Variants in GRM7 observed in about 807,000 individuals in gnomAD.
GRM7 encodes the protein glutamate metabotropic receptor 7.
Under a neutral mutation model 84.5 loss-of-function variants are expected in GRM7, and 35 were observed. That is an observed-to-expected ratio of 0.41 (90% CI 0.32 to 0.55). GRM7 has a LOEUF of 0.55. GRM7 is among the 20% of genes least tolerant of loss of function. GRM7 has a pLI of 0.19. For missense variants in GRM7, 1,003 were observed against 1,194.6 expected, an observed-to-expected ratio of 0.84 and a Z score of 2.36; for synonymous variants, 487 against 455.1, an observed-to-expected ratio of 1.07 and a Z score of -0.89.
intron 2 of GRM7, among the ~76,000 whole-genome samples, chr3:7,271,708 A>T (rs1698871824): frequency 6.6e-6 from 1 of 152,120 alleles, no homozygotes; most frequent in South Asian, 2.1e-4. Context: ...TGTCAGCCTA[A>T]ATGGGTCCTC....
chr3:7,413,483 C>A (rs1696030310), intron 4 of GRM7, among the ~76,000 whole-genome samples: 1 of 152,196 alleles, frequency 6.6e-6, no homozygotes. Flanking sequence ...GGCAAGTCAG[C>A]AAGAAGTAAC....
rs1055895122 is a variant in GRM7 at position 6,863,790 on chromosome 3, C to T, written c.519+1883C>T. Among the ~76,000 whole-genome samples the T allele has an allele frequency of 3.9e-5, 6 of 152,208 alleles. No individual in the cohort carries two copies. The highest frequency in any genetic ancestry group is 8.8e-5 in the Non-Finnish European group (6 of 68,016). On this transcript the variant is annotated intron_variant, in intron 1 of 9. Coordinates refer to ENST00000357716, the MANE Select transcript of GRM7 (RefSeq NM_000844.4). The surrounding 1 kb of genome is among the most constrained non-coding windows in gnomAD (Gnocchi z 4.8). ...AGCCTGTGGGGTTAAAGGCACAAAACGTTTTGTGTTTAGTATTTTAAAATT... is the reference window on the plus strand; with the variant it reads ...AGCCTGTGGGGTTAAAGGCACAAAATGTTTTGTGTTTAGTATTTTAAAATT...
At chr3:7,108,559 A>G (rs1439826807) in intron 1 of GRM7, among the ~76,000 whole-genome samples, 3 of 146,658 alleles carry the variant, frequency 2.0e-5, no homozygotes, top group Non-Finnish European at 4.5e-5. Flanking sequence ...CTGCTCTGTC[A>G]TCGTACACTC....
chr3:7,188,907 T>C lies in GRM7; in HGVS notation c.736+42239T>C, dbSNP rs561825803. ...ACGGTTTTAAAGAAATGCACAAATA[T>C]TGTATTAAGTTTCTATTGTCAATAG... On this transcript the variant is annotated intron_variant, in intron 2 of 9. Transcript: ENST00000357716. The surrounding 1 kb of genome is among the most constrained non-coding windows in gnomAD (Gnocchi z 4.2). Among the ~76,000 whole-genome samples, 1 of 152,260 alleles carries C rather than the reference T, an allele frequency of 6.6e-6. No individual in the cohort carries two copies. Among genetic ancestry groups the C allele is most frequent in the Non-Finnish European group, 1.5e-5 (1 of 68,018 alleles).
At chr3:6,875,961 G>T (rs183418792) in intron 1 of GRM7, among the ~76,000 whole-genome samples, 1 of 152,204 alleles carries the variant, frequency 6.6e-6, no homozygotes, top group African/African-American at 2.4e-5. Context: ...AAGCTGGTAG[G>T]TTGAATGGAA....
intron 1 of GRM7, among the ~76,000 whole-genome samples, chr3:7,103,771 T>TTTCA: frequency 9.9e-6 from 1 of 101,500 alleles, no homozygotes; most frequent in Non-Finnish European, 1.8e-5. Context: ...TCTTTCTTTC[T>TTTCA]TTCTTTCTTT....
intron 4 of GRM7, among the ~76,000 whole-genome samples, chr3:7,378,683 T>G (rs1178715107): frequency 6.6e-6 from 1 of 152,126 alleles, no homozygotes; most frequent in Non-Finnish European, 1.5e-5. Flanking sequence ...TTAACTAACA[T>G]TAGATATTAA....
At chr3:7,240,277 A>T (rs1466451329) in intron 2 of GRM7, among the ~76,000 whole-genome samples, 8 of 151,734 alleles carry the variant, frequency 5.3e-5, no homozygotes, top group Non-Finnish European at 1.2e-4. Context: ...ATATAAAATT[A>T]AGTACAGGGC....
At chr3:7,129,624 C>G (rs1473488895) in intron 1 of GRM7, among the ~76,000 whole-genome samples, 2 of 151,998 alleles carry the variant, frequency 1.3e-5, no homozygotes, top group Non-Finnish European at 2.9e-5. Context: ...TTTCCATATC[C>G]CCTTTCTTAC....
intron 9 of GRM7, among the ~76,000 whole-genome samples, chr3:7,724,626 C>A (rs1702060939): frequency 2.0e-5 from 3 of 152,150 alleles, no homozygotes; most frequent in Non-Finnish European, 4.4e-5. Flanking sequence ...GTGAAAATAC[C>A]AGCTGAAAGC....
intron 5 of GRM7, among the ~76,000 whole-genome samples, chr3:7,446,728 G>C (rs565911606): frequency 6.6e-6 from 1 of 152,090 alleles, no homozygotes; most frequent in African/African-American, 2.4e-5. Context: ...CCAAAGTGCT[G>C]GGATTACTGG....
intron 4 of GRM7, among the ~76,000 whole-genome samples, chr3:7,325,194 T>C (rs1469503838): frequency 6.6e-6 from 1 of 152,176 alleles, no homozygotes; most frequent in African/African-American, 2.4e-5. Flanking sequence ...TATTGAAAGT[T>C]CTCAAATATA....
At chr3:7,072,546 G>T (rs192699554) in intron 1 of GRM7, among the ~76,000 whole-genome samples, 1 of 151,936 alleles carries the variant, frequency 6.6e-6, no homozygotes, top group Admixed American at 6.6e-5. Context: ...AATTAACTGG[G>T]TGTGGTGGTG....
chr3:7,519,821 G>T (rs1700526898), intron 7 of GRM7: 2 of 152,334 alleles, frequency 1.3e-5, no homozygotes, highest in African/African-American at 4.8e-5. Flanking sequence ...CAGCTGAAGT[G>T]GATCAAAAGC....
At chr3:7,070,726 T>C (rs1193184789) in intron 1 of GRM7, among the ~76,000 whole-genome samples, 1 of 147,792 alleles carries the variant, frequency 6.8e-6, no homozygotes, top group Non-Finnish European at 1.5e-5. Context: ...GTTGCTCATA[T>C]GACATTTTTT....
At chr3:7,238,044 C>T (rs1697410712) in intron 2 of GRM7, among the ~76,000 whole-genome samples, 1 of 152,180 alleles carries the variant, frequency 6.6e-6, no homozygotes, top group South Asian at 2.1e-4. Context: ...CAGCTGGCTT[C>T]ACCTCTCAAA....
chr3:7,613,333 GCC>G (rs2125081568), intron 8 of GRM7, among the ~76,000 whole-genome samples: 1 of 152,256 alleles, frequency 6.6e-6, no homozygotes, highest in Non-Finnish European at 1.5e-5. Flanking sequence ...CAAAATTCCA[GCC>G]CTAACGTACA....
chr3:7,675,703 A>T (rs1403356591), intron 8 of GRM7, among the ~76,000 whole-genome samples: 1 of 152,230 alleles, frequency 6.6e-6, no homozygotes, highest in Non-Finnish European at 1.5e-5. Context: ...CTTTATAAAC[A>T]CTATTACTTA....
At chr3:7,498,880 T>C (rs1387943598) in intron 7 of GRM7, among the ~76,000 whole-genome samples, 1 of 152,220 alleles carries the variant, frequency 6.6e-6, no homozygotes, top group Non-Finnish European at 1.5e-5. Context: ...CTTGGCTGCC[T>C]CCTTCCACTG....
Sources: allele counts gnomAD v4.1 joint callset (sites outside exome capture counted in the v4.1 genomes callset), GRCh38; gene constraint gnomAD v4.1.1; non-coding constraint Gnocchi (gnomAD v3.1); transcripts MANE v1.5; gene names NCBI Gene and HGNC (gene_info 2026-07-23, HGNC 2026-07-21).